The following UNC13B variants were observed in gnomAD, a reference collection of about 807,000 sequenced individuals.
UNC13B encodes unc-13 homolog B.
Under a neutral mutation model 211.0 loss-of-function variants are expected in UNC13B, and 144 were observed. The ratio of observed to expected loss-of-function variants is 0.68; its 90% confidence interval spans 0.60 to 0.78. UNC13B has a LOEUF of 0.78. UNC13B is among the 30% of genes least tolerant of loss of function. The probability of loss-of-function intolerance (pLI) is 0.00; values close to 1 mark genes in which losing one functional copy is unlikely to be tolerated. For missense variants in UNC13B, 1,777 were observed against 2,002.0 expected (o/e 0.89, Z 2.14); for synonymous variants, 709 against 725.8 (o/e 0.98, Z 0.37).
At chr9:35,284,526 T>C (rs1828684212) in intron 7 of UNC13B, among the ~76,000 whole-genome samples, 1 of 152,244 alleles carries the variant, frequency 6.6e-6, no homozygotes, top group African/African-American at 2.4e-5. Flanking sequence ...AATTATTCTT[T>C]TACTATAATG....
chr9:35,404,252 G>A lies in UNC13B; in HGVS notation c.*219G>A. The A allele has an allele frequency of 1.6e-6, 1 of 608,084 alleles. No individual in the cohort carries two copies. The highest frequency in any genetic ancestry group is 2.2e-5 in the South Asian group (1 of 46,326). The allele number at this position is 608,084 out of a possible 1,614,324, so 37.7% of individuals were successfully genotyped here. A position where few individuals can be genotyped will look rare whatever the true frequency, so the allele number is the denominator to read the frequency against. ...GGACTGTGGTACTAGGGGCTGGGATGTGGGGTTACCACATGGAGAGATTTT... is the reference window on the plus strand; with the variant it reads ...GGACTGTGGTACTAGGGGCTGGGATATGGGGTTACCACATGGAGAGATTTT... On this transcript the variant is annotated 3_prime_UTR_variant, in exon 40 of 40. Coordinates refer to ENST00000635942, the MANE Select transcript of UNC13B (RefSeq NM_001371189.2).
chr9:35,374,989 G>A (rs1045205570), intron 13 of UNC13B, 138 bp from the exon 14 acceptor site: 48 of 839,752 alleles, frequency 5.7e-5, no homozygotes, highest in East Asian at 2.8e-4. Context: ...CTGTTAGGGC[G>A]GTTGCTGTGA....
intron 3 of UNC13B, among the ~76,000 whole-genome samples, chr9:35,235,272 C>T (rs948039110): frequency 6.6e-6 from 1 of 152,084 alleles, no homozygotes; most frequent in Non-Finnish European, 1.5e-5. Flanking sequence ...AATAATTTTG[C>T]TTATAAGTGA....
chr9:35,379,409 A>G (rs1234951485), intron 17 of UNC13B, among the ~76,000 whole-genome samples: 1 of 152,126 alleles, frequency 6.6e-6, no homozygotes, highest in Non-Finnish European at 1.5e-5. Flanking sequence ...AGATCATGCC[A>G]CTGTACTCCA....
chr9:35,341,705 G>C (rs1832005400), intron 11 of UNC13B: 1 of 153,132 alleles, frequency 6.5e-6, no homozygotes, highest in Non-Finnish European at 1.5e-5. Flanking sequence ...GCAAAAGGGA[G>C]AGACACTTAC....
chr9:35,232,382 A>T (rs1020514024), intron 3 of UNC13B, among the ~76,000 whole-genome samples: 1 of 151,116 alleles, frequency 6.6e-6, no homozygotes, highest in African/African-American at 2.4e-5. Context: ...GGGTTTCACT[A>T]TGTTGCCCAG....
intron 16 of UNC13B, 46 bp from the exon 17 acceptor site, chr9:35,378,249 G>T: frequency 6.2e-7 from 1 of 1,611,510 alleles, no homozygotes; most frequent in Non-Finnish European, 8.5e-7. Context: ...TGTTGTGGGG[G>T]GCTTCTGAAC....
At chr9:35,375,247 G>A (rs2132215514) in intron 14 of UNC13B, 46 bp downstream of exon 14, 1 of 1,579,854 alleles carries the variant, frequency 6.3e-7, no homozygotes. Context: ...CTCAGGACTG[G>A]TGATCATCTC....
chr9:35,389,976 G>A lies in UNC13B; in HGVS notation c.11222+3G>A. The A allele has an allele frequency of 6.2e-7, 1 of 1,614,006 alleles. No individual in the cohort carries two copies. The highest frequency in any genetic ancestry group is 8.5e-7 in the Non-Finnish European group (1 of 1,179,914). ...TCCTACACACCTGTTCTGAACCAGTGAGTATCACCCTCTTTGGCCCTGTCT... is the reference window on the plus strand; with the variant it reads ...TCCTACACACCTGTTCTGAACCAGTAAGTATCACCCTCTTTGGCCCTGTCT... On this transcript the variant is annotated splice_donor_region_variant and intron_variant, in intron 25 of 39. Coordinates refer to ENST00000635942, the MANE Select transcript of UNC13B (RefSeq NM_001371189.2).
chr9:35,250,438 T>C (rs528374572), intron 6 of UNC13B, among the ~76,000 whole-genome samples: 1 of 152,350 alleles, frequency 6.6e-6, no homozygotes, highest in African/African-American at 2.4e-5. Context: ...GTCCTTTGTT[T>C]TCTTTCACTT....
chr9:35,404,168 A>T lies in UNC13B; in HGVS notation c.*135A>T. On this transcript the variant is annotated 3_prime_UTR_variant, in exon 40 of 40. Coordinates refer to ENST00000635942, the MANE Select transcript of UNC13B (RefSeq NM_001371189.2). ...TTCAGTTAAAGATATTTAAGGAAAA[A>T]TTTGGGGTGGTGATAATATGGCTTT... The T allele has an allele frequency of 8.0e-7, 1 of 1,257,566 alleles. No individual in the cohort carries two copies. The highest frequency in any genetic ancestry group is 1.5e-5 in the African/African-American group (1 of 66,392). The allele number at this position is 1,257,566 out of a possible 1,614,324, so 77.9% of individuals were successfully genotyped here.
At chr9:35,203,522 G>T (rs145867563) in intron 1 of UNC13B, among the ~76,000 whole-genome samples, 1 of 152,238 alleles carries the variant, frequency 6.6e-6, no homozygotes, top group African/African-American at 2.4e-5. Flanking sequence ...TCTGCCAAGA[G>T]ATCTGCTGTT....
At chr9:35,387,330 A>C (rs909069587) in intron 24 of UNC13B, among the ~76,000 whole-genome samples, 1 of 152,206 alleles carries the variant, frequency 6.6e-6, no homozygotes, top group African/African-American at 2.4e-5. Context: ...ACTACATCCA[A>C]TTTGTAAAGC....
chr9:35,259,186 C>A, intron 7 of UNC13B, 136 bp downstream of exon 7: 1 of 911,146 alleles, frequency 1.1e-6, no homozygotes, highest in Non-Finnish European at 1.7e-6. Flanking sequence ...CACATCTGTT[C>A]AGGCGCCTTT....
chr9:35,236,944 C>T (rs1825546761), intron 4 of UNC13B, among the ~76,000 whole-genome samples: 1 of 152,134 alleles, frequency 6.6e-6, no homozygotes, highest in African/African-American at 2.4e-5. Context: ...CATTAAACTT[C>T]CTTAGCCAGC....
intron 3 of UNC13B, 84 bp from the exon 4 acceptor site, chr9:35,236,385 A>T: frequency 1.8e-6 from 2 of 1,137,550 alleles, no homozygotes; most frequent in East Asian, 2.4e-5. Flanking sequence ...GTGAGAAAGC[A>T]TTCAAAGTTT....
intron 11 of UNC13B, among the ~76,000 whole-genome samples, chr9:35,344,459 G>A (rs1216574720): frequency 2.0e-5 from 3 of 152,122 alleles, no homozygotes; most frequent in East Asian, 1.9e-4. Flanking sequence ...ATTCTAATTC[G>A]GCTCTGCCAT....
intron 37 of UNC13B, 57 bp downstream of exon 37, chr9:35,400,500 T>TA: frequency 6.4e-7 from 1 of 1,556,544 alleles, no homozygotes; most frequent in Admixed American, 1.9e-5. Context: ...CATCTTCCCC[T>TA]AGGGAGTCTG....
intron 1 of UNC13B, among the ~76,000 whole-genome samples, chr9:35,201,459 T>C (rs138341500): frequency 0.074 from 11,295 of 152,234 alleles, 636 homozygotes; most frequent in East Asian, 0.31. Context: ...TGAATCCATC[T>C]GGTCCTGGAC....
Sources: allele counts gnomAD v4.1 joint callset (sites outside exome capture counted in the v4.1 genomes callset), GRCh38; gene constraint gnomAD v4.1.1; transcripts MANE v1.5; gene names NCBI Gene and HGNC (gene_info 2026-07-23, HGNC 2026-07-21).